The following ERBB2 variants were observed in gnomAD, a reference collection of about 807,000 sequenced individuals.
ERBB2 encodes erb-b2 receptor tyrosine kinase 2.
ERBB2 carries 61 observed loss-of-function variants against 149.0 expected under a neutral mutation model. The ratio of observed to expected loss-of-function variants is 0.41; its 90% CI spans 0.33 to 0.51. ERBB2 has a LOEUF of 0.51. Among genes scored for constraint, ERBB2 ranks in the 20% least tolerant of loss-of-function variants. The pLI is 0.25. For missense variants in ERBB2, 1,205 were observed against 1,655.1 expected (o/e 0.73, Z 4.72); for synonymous variants, 633 against 678.8 (o/e 0.93, Z 1.05).
At position 39,726,547 on chromosome 17, in the gene ERBB2, T is replaced by C. The variant is rs1357945260; in HGVS notation, c.2873-15T>C. 1.2e-6 allele frequency: 2 copies of C among 1,611,164 alleles called. No homozygotes were observed. The highest frequency in any genetic ancestry group is 2.2e-5 in the South Asian group (2 of 91,008). On this transcript the variant is annotated splice_polypyrimidine_tract_variant and intron_variant, in intron 23 of 26. Transcript: ENST00000269571. This position sits in a 1 kb window ranked among gnomAD's most constrained non-coding sequence, Gnocchi z 5.1. ...AGGGCCTGGGACTAGCATGCTGACC[T>C]CCCTCCTGCCCCAGGTTGGATGATT...
At chr17:39,700,484 G>C (rs2058031809) in intron 1 of ERBB2, among the ~76,000 whole-genome samples, 173 bp downstream of exon 1, 1 of 152,244 alleles carries the variant, frequency 6.6e-6, no homozygotes, top group East Asian at 1.9e-4. Context: ...TCGGGCGGGA[G>C]GGGGCAGTTA....
At position 39,709,447 on chromosome 17, in the gene ERBB2, G is replaced by T; in HGVS notation, c.569G>T (p.Arg190Leu). The T allele has an allele frequency of 6.2e-7, 1 of 1,613,952 alleles. No individual in the cohort carries two copies. Residue 190 changes from arginine (R) to leucine (L), a missense_variant, in exon 4 of 27, where the codon CGG (arginine) becomes CTG (leucine). Arg to Leu is a moderately radical substitution (Grantham distance 102). Transcript: ENST00000269571. ...ACACTGATAGACACCAACCGCTCTC[G>T]GGCCTGTAAGCCATGCCCCTCCCTG... ...ALTLIDTNRS[R>L]ACHPCSPMCK...
chr17:39,697,354 G>GTTT (rs60262818), upstream of ERBB2, among the ~76,000 whole-genome samples: 9 of 122,126 alleles, frequency 7.4e-5, no homozygotes, highest in African/African-American at 2.1e-4. Flanking sequence ...TTTTTGTTTT[G>GTTT]TTTTTTTTTT....
rs371627567 is a variant in ERBB2, at chr17:39,715,549, A to C, written c.1313+13A>C. On this transcript the variant is annotated intron_variant, in intron 11 of 26. Transcript: ENST00000269571. ...GAATTCTGCACAAGTGAGCACTGAG[A>C]AAGAGGGGGCCTGATGGGGAGGAGT... 1.1e-5 allele frequency: 18 copies of C among 1,613,124 alleles called. No homozygotes were observed. In the African/African-American group the frequency reaches 2.3e-4, roughly 20 times the overall value.
intron 4 of ERBB2, 67 bp downstream of exon 4, chr17:39,709,519 T>C: frequency 6.3e-7 from 1 of 1,584,702 alleles, no homozygotes. Context: ...AACTCCCAAC[T>C]TACAACCCAG....
chr17:39,726,596 C>T lies in ERBB2; in HGVS notation c.2907C>T (p.Phe969=), dbSNP rs2143135017. 2 of 1,614,148 alleles carry T rather than the reference C, an allele frequency of 1.2e-6. No homozygotes were observed. The highest frequency in any genetic ancestry group is 1.7e-6 in the Non-Finnish European group (2 of 1,180,010). Residue 969 remains phenylalanine (F), a synonymous_variant, in exon 24 of 27, where the codon TTC becomes TTT. Transcript: ENST00000269571. This position sits in a 1 kb window ranked among gnomAD's most constrained non-coding sequence, Gnocchi z 5.1. ...TTGACTCTGAATGTCGGCCAAGATT[C>T]CGGGAGTTGGTGTCTGAATTCTCCC... ...WMIDSECRPR[F]RELVSEFSRM...
Position 39,726,159 on chromosome 17 carries a change from T to G in ERBB2, c.2872+306T>G, listed in dbSNP as rs530752692. The G allele has an allele frequency of 9.6e-6, 4 of 416,584 alleles. No individual in the cohort carries two copies. Among genetic ancestry groups the G allele is most frequent in the African/African-American group, 4.1e-5 (2 of 49,192 alleles). 25.8% of individuals were successfully genotyped at this position (416,584 alleles called of 1,614,324 possible). A position where few individuals can be genotyped will look rare whatever the true frequency, so the allele number is the denominator to read the frequency against. ...GACCAGCCTGGGCAACATAGTGAGA[T>G]CCTATCTCTACAAAAAATAAAAAAA... is the stretch of plus-strand genomic sequence containing the variant. On this transcript the variant is annotated intron_variant, in intron 23 of 26. Transcript: ENST00000269571. The surrounding 1 kb of genome is among the most constrained non-coding windows in gnomAD (Gnocchi z 5.1).
In ERBB2 at chr17:39,726,620, C is replaced by T. The variant is rs2059780180; in HGVS notation, c.2931C>T (p.Ser977=). 1.9e-6 allele frequency: 3 copies of T among 1,614,068 alleles called. No homozygotes were observed. Among genetic ancestry groups the T allele is most frequent in the African/African-American group, 1.3e-5 (1 of 74,918 alleles). The change falls in exon 24 of 27, where the codon TCC becomes TCT. Residue 977 remains serine, a synonymous_variant. Transcript: ENST00000269571. The surrounding 1 kb of genome is among the most constrained non-coding windows in gnomAD (Gnocchi z 5.1). The stretch of plus-strand genomic sequence containing the variant: ...TCCGGGAGTTGGTGTCTGAATTCTC[C>T]CGCATGGCCAGGGACCCCCAGCGCT... ...PRFRELVSEF[S]RMARDPQRFV... is the part of the protein sequence containing the mutation.
At position 39,726,583 on chromosome 17, in the gene ERBB2, G is replaced by A; in HGVS notation, c.2894G>A (p.Cys965Tyr). 6.2e-7 allele frequency: 1 copy of A among 1,614,182 alleles called. No homozygotes were observed. Among genetic ancestry groups the A allele is most frequent in the Non-Finnish European group, 8.5e-7 (1 of 1,180,012 alleles). Residue 965 changes from cysteine (C) to tyrosine (Y), a missense_variant, in exon 24 of 27, where the codon TGT becomes TAT. Around this residue, in one of 6 missense-constraint regions of ERBB2, gnomAD observed 63 missense variants for 74.2 expected, o/e 0.85. Coordinates refer to ENST00000269571, the MANE Select transcript of ERBB2 (RefSeq NM_004448.4). The surrounding 1 kb of genome is among the most constrained non-coding windows in gnomAD (Gnocchi z 5.1). Reference protein sequence around the residue: ...MVKCWMIDSECRPRFRELVSE... With the variant: ...MVKCWMIDSEYRPRFRELVSE... ...CCAGGTTGGATGATTGACTCTGAATGTCGGCCAAGATTCCGGGAGTTGGTG... is the reference window on the plus strand; with the variant it reads ...CCAGGTTGGATGATTGACTCTGAATATCGGCCAAGATTCCGGGAGTTGGTG...
At chr17:39,712,083 C>A (rs1324791399) in intron 8 of ERBB2, 36 bp downstream of exon 8, 1 of 1,613,398 alleles carries the variant, frequency 6.2e-7, no homozygotes, top group East Asian at 2.2e-5. Flanking sequence ...AGCTGCAGTT[C>A]CTGTCCCTCT....
rs2145707099 is a variant in ERBB2, at chr17:39,717,350, T to C, written c.1768T>C (p.Tyr590His). 1 of 1,612,512 alleles carries C rather than the reference T, an allele frequency of 6.2e-7. No homozygotes were observed. Among genetic ancestry groups the C allele is most frequent in the Non-Finnish European group, 8.5e-7 (1 of 1,179,980 alleles). The change falls in exon 15 of 27, where the codon TAT becomes CAT. Residue 590 changes from tyrosine to histidine, a missense_variant. Tyr to His is a moderately conservative substitution (Grantham distance 83, BLOSUM62 2). This residue lies in a region of ERBB2 where 569 missense variants were observed against 803.5 expected (regional missense o/e 0.71). Transcript: ENST00000269571. ...EADQCVACAHYKDPPFCVARC... is the reference protein window; with the variant it reads ...EADQCVACAHHKDPPFCVARC... ...TGACCAGTGTGTGGCCTGTGCCCAC[T>C]ATAAGGACCCTCCCTTCTGCGTGGC...
chr17:39,727,797 C>G lies in ERBB2; in HGVS notation c.3521C>G (p.Ser1174Cys), dbSNP rs1351450168. The G allele has an allele frequency of 6.2e-7, 1 of 1,613,222 alleles. No individual in the cohort carries two copies. Among genetic ancestry groups the G allele is most frequent in the Non-Finnish European group, 8.5e-7 (1 of 1,179,314 alleles). Residue 1174 changes from serine (S) to cysteine (C), a missense_variant, in exon 27 of 27, where the codon TCC (serine) becomes TGC (cysteine). By Grantham distance (112) the Ser-to-Cys change is moderately radical. Around this residue, in one of 6 missense-constraint regions of ERBB2, gnomAD observed 312 missense variants for 343.8 expected, o/e 0.91. Transcript: ENST00000269571. This position sits in a 1 kb window ranked among gnomAD's most constrained non-coding sequence, Gnocchi z 4.3. Reference sequence around the variant, plus strand: ...ACTCTGGAAAGGCCCAAGACTCTCTCCCCAGGGAAGAATGGGGTCGTCAAA... The same window carrying G: ...ACTCTGGAAAGGCCCAAGACTCTCTGCCCAGGGAAGAATGGGGTCGTCAAA... Reference protein sequence around the residue: ...GATLERPKTLSPGKNGVVKDV... With the variant: ...GATLERPKTLCPGKNGVVKDV...
In ERBB2 at chr17:39,727,740, G is replaced by A. The variant is rs1429281392; in HGVS notation, c.3464G>A (p.Gly1155Asp). 2 of 1,590,832 alleles carry A rather than the reference G, an allele frequency of 1.3e-6. No individual in the cohort carries two copies. The highest frequency in any genetic ancestry group is 1.7e-6 in the Non-Finnish European group (2 of 1,166,560). ...CCCCAGCCCCCTTCGCCCCGAGAGG[G>A]CCCTCTGCCTGCTGCCCGACCTGCT... ...VRPQPPSPREGPLPAARPAGA... is the reference protein window; with the variant it reads ...VRPQPPSPREDPLPAARPAGA... Residue 1155 changes from glycine (G) to aspartate (D), a missense_variant, in exon 27 of 27, where the codon GGC (glycine) becomes GAC (aspartate). Gly to Asp is a moderately conservative substitution (Grantham distance 94, BLOSUM62 -1). Coordinates refer to ENST00000269571, the MANE Select transcript of ERBB2 (RefSeq NM_004448.4). This position sits in a 1 kb window ranked among gnomAD's most constrained non-coding sequence, Gnocchi z 4.3.
Position 39,727,162 on chromosome 17 carries a change from A to T in ERBB2, c.3160-133A>T, listed in dbSNP as rs2059815699. The T allele has an allele frequency of 7.8e-7, 1 of 1,278,136 alleles. No homozygotes were observed. The highest frequency in any genetic ancestry group is 1.5e-5 in the African/African-American group (1 of 66,706). The allele number at this position is 1,278,136 out of a possible 1,614,324, so 79.2% of individuals were successfully genotyped here. ...ACTGCCTTCCAACCCCTGTGACCCCATTCTCTCCACGGTGACTGTGTCATA... is the reference window on the plus strand; with the variant it reads ...ACTGCCTTCCAACCCCTGTGACCCCTTTCTCTCCACGGTGACTGTGTCATA... On this transcript the variant is annotated intron_variant, in intron 25 of 26. Transcript: ENST00000269571. The surrounding 1 kb of genome is among the most constrained non-coding windows in gnomAD (Gnocchi z 4.3).
intron 1 of ERBB2, 102 bp downstream of exon 1, chr17:39,700,413 G>T (rs2058023607): frequency 1.5e-5 from 15 of 991,886 alleles, no homozygotes; most frequent in Non-Finnish European, 1.8e-5. Context: ...GCCCGGACGA[G>T]CTCTCCTATC....
Position 39,700,227 on chromosome 17 carries a change from G to A in ERBB2, c.-12G>A, listed in dbSNP as rs773855470. 2 of 1,441,106 alleles carry A rather than the reference G, an allele frequency of 1.4e-6. No homozygotes were observed. The highest frequency in any genetic ancestry group is 1.8e-6 in the Non-Finnish European group (2 of 1,101,398). 89.3% of individuals were successfully genotyped at this position (1,441,106 alleles called of 1,614,324 possible). On this transcript the variant is annotated 5_prime_UTR_variant, in exon 1 of 27. Coordinates refer to ENST00000269571, the MANE Select transcript of ERBB2 (RefSeq NM_004448.4). Reference sequence around the variant, plus strand: ...CAGCCGGAGCCATGGGGCCGGAGCCGCAGTGAGCACCATGGAGCTGGCGGC... The same window carrying A: ...CAGCCGGAGCCATGGGGCCGGAGCCACAGTGAGCACCATGGAGCTGGCGGC...
At chr17:39,713,160 C>T (rs1336515451) in intron 9 of ERBB2, 1 of 152,188 alleles carries the variant, frequency 6.6e-6, no homozygotes, top group African/African-American at 2.4e-5. Context: ...TAGAGTCTCA[C>T]TCTGTCAGCA....
chr17:39,726,930 GCTT>G lies in ERBB2; in HGVS notation c.3092_3094del (p.Phe1031del). ...GAGGAGTATCTGGTACCCCAGCAGG[GCTT>G]CTTCTGTCCAGACCCTGCCCCGGGC... On this transcript the variant is annotated inframe_deletion, in exon 25 of 27. Transcript: ENST00000269571. This position sits in a 1 kb window ranked among gnomAD's most constrained non-coding sequence, Gnocchi z 5.1. 6.2e-7 allele frequency: 1 copy of G among 1,613,816 alleles called. No individual in the cohort carries two copies. The highest frequency in any genetic ancestry group is 8.5e-7 in the Non-Finnish European group (1 of 1,179,954).
chr17:39,704,068 G>T (rs1045324476), intron 1 of ERBB2, among the ~76,000 whole-genome samples: 2 of 152,182 alleles, frequency 1.3e-5, no homozygotes, highest in Non-Finnish European at 2.9e-5. Flanking sequence ...TGGATTCCAT[G>T]ACCTCAACTG....
Sources: allele counts gnomAD v4.1 joint callset (sites outside exome capture counted in the v4.1 genomes callset), GRCh38; gene constraint gnomAD v4.1.1; regional missense constraint gnomAD v4.1.1; non-coding constraint Gnocchi (gnomAD v3.1); transcripts MANE v1.5; gene names NCBI Gene and HGNC (gene_info 2026-07-23, HGNC 2026-07-21).